Variants in FRRS1 observed in about 807,000 individuals in gnomAD.
The protein encoded by FRRS1 is ferric chelate reductase 1.
Under a neutral mutation model 70.7 loss-of-function variants are expected in FRRS1, and 51 were observed. That is an observed-to-expected ratio of 0.72 (90% confidence interval 0.58 to 0.91). The LOEUF is 0.91. Among genes scored for constraint, FRRS1 ranks in the 40% least tolerant of loss-of-function variants. The pLI is 0.00. For missense variants in FRRS1, 672 were observed against 726.0 expected, an observed-to-expected ratio of 0.93 and a Z score of 0.86; for synonymous variants, 225 against 238.7, an observed-to-expected ratio of 0.94 and a Z score of 0.53.
At position 99,706,460 on chromosome 1, in the gene FRRS1, T is replaced by C. The variant is rs563866766; in HGVS notation, c.*2568A>G. Among the ~76,000 whole-genome samples, 3 of 150,560 alleles carry C rather than the reference T, an allele frequency of 2.0e-5. No individual in the cohort carries two copies. The East Asian group carries it at 5.8e-4, about 29-fold the overall frequency. ...AAAGGCTTATTCGGGGAACTCTGTA[T>C]GTAAGTTGGCAAAGACCAAAATAGT... On this transcript the variant is annotated 3_prime_UTR_variant, in exon 17 of 17. Transcript: ENST00000646001.
Position 99,708,281 on chromosome 1 carries a change from C to T in FRRS1, c.*747G>A, listed in dbSNP as rs1037943466. Among the ~76,000 whole-genome samples the T allele has an allele frequency of 6.6e-6, 1 of 152,010 alleles. No individual in the cohort carries two copies. The highest frequency in any genetic ancestry group is 2.4e-5 in the African/African-American group (1 of 41,364). ...GTAAAAATAGTTTTTCTTTAAAGTA[C>T]CACAGCACCTTTGTAGTTCAAAATA... On this transcript the variant is annotated 3_prime_UTR_variant, in exon 17 of 17. Coordinates refer to ENST00000646001, the MANE Select transcript of FRRS1 (RefSeq NM_001361041.2).
chr1:99,735,056 A>T (rs1426307911), intron 7 of FRRS1, among the ~76,000 whole-genome samples: 1 of 152,260 alleles, frequency 6.6e-6, no homozygotes, highest in Non-Finnish European at 1.5e-5. Flanking sequence ...TATGTACAGT[A>T]CATCTTCACT....
rs386367804 is a variant in FRRS1 at position 99,706,891 on chromosome 1, C to CA, written c.*2136dup. On this transcript the variant is annotated 3_prime_UTR_variant, in exon 17 of 17. Coordinates refer to ENST00000646001, the MANE Select transcript of FRRS1 (RefSeq NM_001361041.2). ...TAGACAACAGAGTGAGACTTTGTCACAAAAAAAAAAAAGAGAGAATTTTTC... is the reference window on the plus strand; with the variant it reads ...TAGACAACAGAGTGAGACTTTGTCACAAAAAAAAAAAAAGAGAGAATTTTTC... Among the ~76,000 whole-genome samples the CA allele has an allele frequency of 0.18, 22,109 of 123,342 alleles. 3,607 individuals are homozygous for CA. The highest frequency in any genetic ancestry group is 0.44 in the African/African-American group (16,677 of 37,814). The allele number at this position is 123,342 out of a possible 152,430, so 80.9% of individuals were successfully genotyped here. A position where few individuals can be genotyped will look rare whatever the true frequency, so the allele number is the denominator to read the frequency against.
At position 99,709,000 on chromosome 1, in the gene FRRS1, G is replaced by C. The variant is rs752221458; in HGVS notation, c.*28C>G. On this transcript the variant is annotated 3_prime_UTR_variant, in exon 17 of 17. Transcript: ENST00000646001. Reference sequence around the variant, plus strand: ...TTGGTTTGATGATAATTATCACTTGGCCTGCAAAAGCCAAGGTCTTTGCTT... The same window carrying C: ...TTGGTTTGATGATAATTATCACTTGCCCTGCAAAAGCCAAGGTCTTTGCTT... 3.7e-6 allele frequency: 6 copies of C among 1,613,880 alleles called. No individual in the cohort carries two copies. Among genetic ancestry groups the C allele is most frequent in the Non-Finnish European group, 5.1e-6 (6 of 1,179,932 alleles).
At position 99,704,877 on chromosome 1, in the gene FRRS1, A is replaced by G. The variant is rs1213574242; in HGVS notation, c.*4151T>C. Among the ~76,000 whole-genome samples, 2 of 152,006 alleles carry G rather than the reference A, an allele frequency of 1.3e-5. No individual in the cohort carries two copies. The highest frequency in any genetic ancestry group is 4.8e-5 in the African/African-American group (2 of 41,374). On this transcript the variant is annotated 3_prime_UTR_variant, in exon 17 of 17. Transcript: ENST00000646001. The stretch of plus-strand genomic sequence containing the variant: ...TCTAGCGGCCCAACTCCAGGGGAAA[A>G]CCATCTCCCTTCTGGCTCCCCCATC...
In FRRS1 at chr1:99,728,434, A is replaced by C; in HGVS notation, c.1006+59T>G. On this transcript the variant is annotated intron_variant, in intron 9 of 16. Transcript: ENST00000646001. ...ACAGTAGTTTTTCCAAAAATGGGGGAAAGAGAGGGAAGAAGAGAGAAAAAG... is the reference window on the plus strand; with the variant it reads ...ACAGTAGTTTTTCCAAAAATGGGGGCAAGAGAGGGAAGAAGAGAGAAAAAG... The C allele has an allele frequency of 6.5e-6, 9 of 1,393,148 alleles. No individual in the cohort carries two copies. In the South Asian group the frequency reaches 1.3e-4, roughly 20 times the overall value. The allele number at this position is 1,393,148 out of a possible 1,614,324, so 86.3% of individuals were successfully genotyped here.
At chr1:99,749,816 T>A (rs1252901518) in intron 1 of FRRS1, among the ~76,000 whole-genome samples, 1 of 152,200 alleles carries the variant, frequency 6.6e-6, no homozygotes, top group Non-Finnish European at 1.5e-5. Flanking sequence ...GCTTCATGCA[T>A]ATATTCAAAA....
intron 7 of FRRS1, among the ~76,000 whole-genome samples, chr1:99,734,053 T>C (rs1315113954): frequency 6.6e-6 from 1 of 152,212 alleles, no homozygotes; most frequent in Non-Finnish European, 1.5e-5. Context: ...ATCTATTATA[T>C]AAATTGTAGA....
intron 1 of FRRS1, among the ~76,000 whole-genome samples, chr1:99,760,110 T>C (rs775890844): frequency 6.6e-6 from 1 of 152,208 alleles, no homozygotes; most frequent in African/African-American, 2.4e-5. Context: ...ATTTATTTCA[T>C]AGAACTAAAA....
In FRRS1 at chr1:99,706,495, T is replaced by C. The variant is rs545822127; in HGVS notation, c.*2533A>G. Among the ~76,000 whole-genome samples the C allele has an allele frequency of 3.3e-5, 5 of 151,936 alleles. No individual in the cohort carries two copies. The highest frequency in any genetic ancestry group is 1.2e-4 in the African/African-American group (5 of 41,446). On this transcript the variant is annotated 3_prime_UTR_variant, in exon 17 of 17. Transcript: ENST00000646001. ...CAAAGACCAAAATAGTGCCAACATATGAAGCACTGAAAAAGAAAAAGTTAA... is the reference window on the plus strand; with the variant it reads ...CAAAGACCAAAATAGTGCCAACATACGAAGCACTGAAAAAGAAAAAGTTAA...
chr1:99,733,097 CCA>C (rs1213438274), intron 7 of FRRS1, among the ~76,000 whole-genome samples: 1 of 152,090 alleles, frequency 6.6e-6, no homozygotes, highest in Non-Finnish European at 1.5e-5. Flanking sequence ...AATCCTCCCA[CCA>C]CAGACTCCCA....
At chr1:99,713,408 T>G (rs1034572336) in intron 12 of FRRS1, among the ~76,000 whole-genome samples, 3 of 152,220 alleles carry the variant, frequency 2.0e-5, no homozygotes, top group Non-Finnish European at 4.4e-5. Flanking sequence ...CTGAATAAAA[T>G]AAAGTTCTCA....
intron 8 of FRRS1, 52 bp downstream of exon 8, chr1:99,729,598 A>T: frequency 8.8e-7 from 1 of 1,139,152 alleles, no homozygotes; most frequent in Admixed American, 1.8e-5. Context: ...TGATAGCCAC[A>T]CAGCCGGAAA....
At chr1:99,734,963 A>G (rs1341485464) in intron 7 of FRRS1, among the ~76,000 whole-genome samples, 1 of 152,202 alleles carries the variant, frequency 6.6e-6, no homozygotes, top group Non-Finnish European at 1.5e-5. Context: ...GATACAGCGC[A>G]GTGGAAGGAG....
intron 7 of FRRS1, among the ~76,000 whole-genome samples, chr1:99,730,620 C>T (rs749069199): frequency 2.0e-5 from 3 of 152,138 alleles, no homozygotes; most frequent in Non-Finnish European, 4.4e-5. Context: ...GTAGTCCCAG[C>T]ACTTTGGGAG....
At chr1:99,731,808 G>A (rs908892753) in intron 7 of FRRS1, among the ~76,000 whole-genome samples, 1 of 152,092 alleles carries the variant, frequency 6.6e-6, no homozygotes, top group Non-Finnish European at 1.5e-5. Flanking sequence ...TACAGAAAAC[G>A]TTTTTTGAAC....
Position 99,748,586 on chromosome 1 carries a change from T to C in FRRS1, c.183A>G (p.Gly61=), listed in dbSNP as rs1553174159. 1 of 1,613,826 alleles carries C rather than the reference T, an allele frequency of 6.2e-7. No homozygotes were observed. Among genetic ancestry groups the C allele is most frequent in the Non-Finnish European group, 8.5e-7 (1 of 1,179,730 alleles). The change falls in exon 3 of 17, where the codon GGA becomes GGG. Residue 61 remains glycine (G), a synonymous_variant. Transcript: ENST00000646001. ...CCAGCACGGTACCTTCAATCTGATC[T>C]CCTGGCCTGAATGTCATCTGACTCA... ...IYVSQMTFRP[G]DQIEVTLSGH...
intron 1 of FRRS1, among the ~76,000 whole-genome samples, chr1:99,752,039 T>G (rs536081877): frequency 6.6e-6 from 1 of 152,218 alleles, no homozygotes; most frequent in South Asian, 2.1e-4. Flanking sequence ...TCTCTCAGCC[T>G]TCATAGAATT....
At chr1:99,714,015 G>A (rs1654399312) in intron 12 of FRRS1, among the ~76,000 whole-genome samples, 2 of 152,108 alleles carry the variant, frequency 1.3e-5, no homozygotes, top group Admixed American at 1.3e-4. Context: ...CAACCAGGAG[G>A]CTGGTATGGA....
Sources: allele counts gnomAD v4.1 joint callset (sites outside exome capture counted in the v4.1 genomes callset), GRCh38; gene constraint gnomAD v4.1.1; transcripts MANE v1.5; gene names NCBI Gene and HGNC (gene_info 2026-07-23, HGNC 2026-07-21).